Variants in REEP3 observed in about 807,000 individuals in gnomAD.
The protein encoded by REEP3 is receptor accessory protein 3.
REEP3 carries 20 observed loss-of-function variants against 41.3 expected under a neutral mutation model. That is an observed-to-expected ratio of 0.48 (90% confidence interval 0.34 to 0.70). REEP3 has a LOEUF of 0.70. REEP3 is among the 30% of genes least tolerant of loss of function. REEP3 has a pLI of 0.01. For missense variants in REEP3, 271 were observed against 308.8 expected (o/e 0.88, Z 0.92); for synonymous variants, 104 against 101.8 (o/e 1.02, Z -0.13).
intron 2 of REEP3, among the ~76,000 whole-genome samples, chr10:63,579,469 C>A (rs1311156311): frequency 6.6e-6 from 1 of 152,168 alleles, no homozygotes; most frequent in Admixed American, 6.5e-5. Context: ...AGAGTTTCAT[C>A]CAAAATTTTA....
intron 1 of REEP3, among the ~76,000 whole-genome samples, chr10:63,530,178 A>AC (rs11375382): frequency 0.85 from 129,355 of 152,166 alleles, 55,443 homozygotes; most frequent in African/African-American, 0.91. Context: ...TTAATGAAAA[A>AC]ATCCTCATTT....
At chr10:63,600,407 A>G (rs1461073136) in intron 5 of REEP3, among the ~76,000 whole-genome samples, 2 of 152,202 alleles carry the variant, frequency 1.3e-5, no homozygotes, top group Non-Finnish European at 2.9e-5. Flanking sequence ...CTATATTATT[A>G]ATGATTATTA....
chr10:63,614,004 GA>G (rs775476333), intron 6 of REEP3, among the ~76,000 whole-genome samples: 4 of 151,920 alleles, frequency 2.6e-5, no homozygotes, highest in South Asian at 2.1e-4. Flanking sequence ...AATACAGGGG[GA>G]AAAAAACATA....
chr10:63,543,416 C>T (rs1457739048), intron 1 of REEP3, among the ~76,000 whole-genome samples: 1 of 151,674 alleles, frequency 6.6e-6, no homozygotes, highest in African/African-American at 2.4e-5. Context: ...CTGACTCAAA[C>T]TGCCAAGTAG....
intron 2 of REEP3, among the ~76,000 whole-genome samples, chr10:63,570,076 A>C (rs1475041303): frequency 2.0e-5 from 3 of 152,240 alleles, no homozygotes; most frequent in Non-Finnish European, 4.4e-5. Context: ...ACTTAAAAAA[A>C]AGAATTTGTG....
At chr10:63,595,626 G>A (rs1956107139) in intron 3 of REEP3, among the ~76,000 whole-genome samples, 1 of 151,116 alleles carries the variant, frequency 6.6e-6, no homozygotes, top group Non-Finnish European at 1.5e-5. Flanking sequence ...GCCTAGGCTA[G>A]AGTGCAGTGG....
intron 5 of REEP3, among the ~76,000 whole-genome samples, chr10:63,604,391 A>C (rs1231706272): frequency 6.6e-6 from 1 of 152,228 alleles, no homozygotes; most frequent in Non-Finnish European, 1.5e-5. Context: ...CACTACTGCC[A>C]GATGAAGGAC....
chr10:63,601,654 C>T (rs964451607), intron 5 of REEP3, among the ~76,000 whole-genome samples: 33 of 152,296 alleles, frequency 2.2e-4, no homozygotes, highest in Non-Finnish European at 4.4e-4. Context: ...CGTGGTGGCT[C>T]ACACCTGTAA....
intron 1 of REEP3, among the ~76,000 whole-genome samples, chr10:63,526,976 T>C (rs1416742984): frequency 6.6e-6 from 1 of 152,202 alleles, no homozygotes; most frequent in African/African-American, 2.4e-5. Context: ...AAGTACTACT[T>C]TCCTATGTAG....
At chr10:63,596,959 A>G in intron 3 of REEP3, among the ~76,000 whole-genome samples, 1 of 152,200 alleles carries the variant, frequency 6.6e-6, no homozygotes, top group East Asian at 1.9e-4. Context: ...CCAAGGCTGA[A>G]GAAGCAGCTG....
At chr10:63,558,227 C>T (rs1955708172) in intron 1 of REEP3, among the ~76,000 whole-genome samples, 1 of 152,144 alleles carries the variant, frequency 6.6e-6, no homozygotes, top group East Asian at 1.9e-4. Flanking sequence ...ACAATGTTGG[C>T]AAAAGATGAC....
rs1463265314 is a variant in REEP3, at chr10:63,622,343, TG to T, written c.*1475del. 1.3e-5 allele frequency: 2 copies of T among 152,220 alleles called. No homozygotes were observed. The highest frequency in any genetic ancestry group is 1.3e-4 in the Admixed American group (2 of 15,286). 9.4% of individuals were successfully genotyped at this position (152,220 alleles called of 1,614,324 possible). On this transcript the variant is annotated 3_prime_UTR_variant, in exon 8 of 8. Coordinates refer to ENST00000373758, the MANE Select transcript of REEP3 (RefSeq NM_001001330.3). ...GAGTACCTTGGTATAATGCATACAT[TG>T]TCTCATGATACTAGTCATAAAATAT...
chr10:63,618,935 C>T (rs72840204), intron 6 of REEP3, among the ~76,000 whole-genome samples: 7,238 of 152,304 alleles, frequency 0.048, 267 homozygotes, highest in African/African-American at 0.099. Flanking sequence ...GTCTTTATAG[C>T]TACACATAAC....
Position 63,620,944 on chromosome 10 carries a change from G to T in REEP3, c.*75G>T. 1 of 873,834 alleles carries T rather than the reference G, an allele frequency of 1.1e-6. No homozygotes were observed. Among genetic ancestry groups the T allele is most frequent in the South Asian group, 1.6e-5 (1 of 62,256 alleles). 54.1% of individuals were successfully genotyped at this position (873,834 alleles called of 1,614,324 possible). The stretch of plus-strand genomic sequence containing the variant: ...TTCATCTTCTAACATGATATATTCA[G>T]GATTTACACATTAAAATGATTATTT... On this transcript the variant is annotated 3_prime_UTR_variant, in exon 8 of 8. Coordinates refer to ENST00000373758, the MANE Select transcript of REEP3 (RefSeq NM_001001330.3).
At chr10:63,609,964 T>G (rs959467387) in intron 5 of REEP3, among the ~76,000 whole-genome samples, 5 of 152,136 alleles carry the variant, frequency 3.3e-5, no homozygotes, top group Non-Finnish European at 7.3e-5. Flanking sequence ...TATACTGATG[T>G]CTCCAACTTA....
At chr10:63,546,720 T>G (rs1256002381) in intron 1 of REEP3, among the ~76,000 whole-genome samples, 1 of 152,184 alleles carries the variant, frequency 6.6e-6, no homozygotes, top group Non-Finnish European at 1.5e-5. Context: ...TATATAGGCA[T>G]TTGTCTTATC....
intron 1 of REEP3, among the ~76,000 whole-genome samples, chr10:63,555,296 A>C (rs896183249): frequency 6.6e-6 from 1 of 151,714 alleles, no homozygotes; most frequent in Non-Finnish European, 1.5e-5. Context: ...CTTGTATGGA[A>C]TTTTCATATT....
intron 2 of REEP3, among the ~76,000 whole-genome samples, chr10:63,570,037 T>C (rs893600886): frequency 1.3e-5 from 2 of 152,152 alleles, no homozygotes; most frequent in East Asian, 3.8e-4. Flanking sequence ...TATTAATTTT[T>C]AGAGACTTAA....
At chr10:63,580,956 GA>G (rs1955948828) in intron 2 of REEP3, among the ~76,000 whole-genome samples, 1 of 152,184 alleles carries the variant, frequency 6.6e-6, no homozygotes, top group African/African-American at 2.4e-5. Context: ...AGGCTGCAGT[GA>G]GCTGGGATTA....
Sources: allele counts gnomAD v4.1 joint callset (sites outside exome capture counted in the v4.1 genomes callset), GRCh38; gene constraint gnomAD v4.1.1; transcripts MANE v1.5; gene names NCBI Gene and HGNC (gene_info 2026-07-23, HGNC 2026-07-21).